CEND1: variants seen among roughly 807,000 people sequenced by gnomAD.
The protein encoded by CEND1 is cell cycle exit and neuronal differentiation 1.
A neutral mutation model predicts 4.4 loss-of-function variants in CEND1; 1 was observed. The ratio of observed to expected loss-of-function variants is 0.23; its 90% confidence interval spans 0.08 to 1.09. The LOEUF (loss-of-function observed/expected upper bound fraction) is 1.09, where lower values mean the gene tolerates loss of function less well. CEND1 is among the 50% of genes least tolerant of loss of function. The pLI, the probability that CEND1 is intolerant of heterozygous loss-of-function variation, is 0.55. For synonymous variants in CEND1, 109 were observed against 93.0 expected (o/e 1.17, Z -0.99); for missense variants, 213 against 201.2 (o/e 1.06, Z -0.35).
intron 1 of CEND1, among the ~76,000 whole-genome samples, chr11:789,628 C>A (rs1316840986): frequency 6.6e-6 from 1 of 152,152 alleles, no homozygotes; most frequent in Non-Finnish European, 1.5e-5. Flanking sequence ...GCCCTCCAGA[C>A]CTGCAGAGAA....
intron 1 of CEND1, 135 bp from the exon 2 acceptor site, chr11:788,793 T>C: frequency 2.4e-6 from 1 of 420,490 alleles, no homozygotes; most frequent in East Asian, 3.4e-5. Flanking sequence ...CCCGTGGGCC[T>C]CTGACACTTC....
chr11:788,386 G>A lies in CEND1; in HGVS notation c.191C>T (p.Ser64Leu), dbSNP rs142060805. The A allele has an allele frequency of 1.3e-5, 21 of 1,595,772 alleles. No individual in the cohort carries two copies. Among genetic ancestry groups the A allele is most frequent in the African/African-American group, 2.7e-5 (2 of 74,262 alleles). ...APTTAPAKKT[S>L]AKADPALLNN... ...GAGAAGGGCAGGGTCGGCCTTGGCC[G>A]AGGTCTTCTTGGCAGGTGCCGTGGT... Residue 64 changes from serine (S) to leucine (L), a missense_variant, in exon 2 of 2, where the codon TCG becomes TTG. Physicochemically the swap from Ser to Leu is moderately radical, Grantham distance 145. Coordinates refer to ENST00000330106, the MANE Select transcript of CEND1 (RefSeq NM_016564.4).
chr11:788,343 C>T lies in CEND1; in HGVS notation c.234G>A (p.Leu78=). 2 of 1,603,978 alleles carry T rather than the reference C, an allele frequency of 1.2e-6. No individual in the cohort carries two copies. The highest frequency in any genetic ancestry group is 1.7e-6 in the Non-Finnish European group (2 of 1,172,672). ...DPALLNNHSN[L]KPAPTVPSSP... ...TGCTGGGGACCGTGGGGGCTGGCTTCAGGTTGCTGTGGTTGTTGAGAAGGG... is the reference window on the plus strand; with the variant it reads ...TGCTGGGGACCGTGGGGGCTGGCTTTAGGTTGCTGTGGTTGTTGAGAAGGG... Residue 78 remains leucine (L), a synonymous_variant, in exon 2 of 2, where the codon CTG becomes CTA. Transcript: ENST00000330106.
rs1864378082 is a variant in CEND1 at position 787,852 on chromosome 11, A to C, written c.*275T>G. 7.2e-6 allele frequency: 2 copies of C among 276,732 alleles called. No homozygotes were observed. The highest frequency in any genetic ancestry group is 2.2e-5 in the African/African-American group (1 of 45,398). The allele number at this position is 276,732 out of a possible 1,614,324, so 17.1% of individuals were successfully genotyped here. A position where few individuals can be genotyped will look rare whatever the true frequency, so the allele number is the denominator to read the frequency against. On this transcript the variant is annotated 3_prime_UTR_variant, in exon 2 of 2. Coordinates refer to ENST00000330106, the MANE Select transcript of CEND1 (RefSeq NM_016564.4). ...GTGGGGGGGGCCACACACAGGGTCCATTCCTTTCTTGCCGTTCCCCAGCTG... is the reference window on the plus strand; with the variant it reads ...GTGGGGGGGGCCACACACAGGGTCCCTTCCTTTCTTGCCGTTCCCCAGCTG...
At chr11:788,943 T>A (rs1483382188) in intron 1 of CEND1, among the ~76,000 whole-genome samples, 1 of 151,484 alleles carries the variant, frequency 6.6e-6, no homozygotes, top group Admixed American at 6.6e-5. Flanking sequence ...AAATGCCACA[T>A]CCTCCCACCA....
rs745387263 is a variant in CEND1, at chr11:787,746, G to A, written c.*381C>T. 4.7e-5 allele frequency: 8 copies of A among 170,666 alleles called. No homozygotes were observed. The highest frequency in any genetic ancestry group is 2.0e-4 in the South Asian group (1 of 4,994). The allele number at this position is 170,666 out of a possible 1,614,324, so 10.6% of individuals were successfully genotyped here. On this transcript the variant is annotated 3_prime_UTR_variant, in exon 2 of 2. Coordinates refer to ENST00000330106, the MANE Select transcript of CEND1 (RefSeq NM_016564.4). ...GCCCTTTAATGTCCCCACGAGGGCC[G>A]GGCCCAGGCCCAACCCATCCCGGCA...
intron 1 of CEND1, among the ~76,000 whole-genome samples, chr11:788,909 T>G (rs1864398962): frequency 6.6e-6 from 1 of 152,086 alleles, no homozygotes; most frequent in African/African-American, 2.4e-5. Flanking sequence ...GGGACCCCAC[T>G]GTGCTCCATA....
chr11:788,065 GCA>G lies in CEND1; in HGVS notation c.*60_*61del, dbSNP rs1361131664. The G allele has an allele frequency of 7.8e-7, 1 of 1,288,640 alleles. No homozygotes were observed. 79.8% of individuals were successfully genotyped at this position (1,288,640 alleles called of 1,614,324 possible). A position where few individuals can be genotyped will look rare whatever the true frequency, so the allele number is the denominator to read the frequency against. On this transcript the variant is annotated 3_prime_UTR_variant, in exon 2 of 2. Transcript: ENST00000330106. ...GAATAGGTAAGGGTGAACTCTGCAT[GCA>G]CTGGCTTCCTCGGGTCTGTACAGGA...
At chr11:788,919 A>C (rs1341311873) in intron 1 of CEND1, among the ~76,000 whole-genome samples, 1 of 152,102 alleles carries the variant, frequency 6.6e-6, no homozygotes, top group Admixed American at 6.5e-5. Flanking sequence ...TGTGCTCCAT[A>C]AAATGGCCCA....
rs1864366383 is a variant in CEND1 at position 787,387 on chromosome 11, T to G, written c.*740A>C. Reference sequence around the variant, plus strand: ...TACCTGTTATTGCATTATACGCTGGTTAGACTCAGGTGGTGCTGGGTGCAA... The same window carrying G: ...TACCTGTTATTGCATTATACGCTGGGTAGACTCAGGTGGTGCTGGGTGCAA... On this transcript the variant is annotated 3_prime_UTR_variant, in exon 2 of 2. Transcript: ENST00000330106. The G allele has an allele frequency of 6.5e-6, 1 of 152,766 alleles. No individual in the cohort carries two copies. Among genetic ancestry groups the G allele is most frequent in the Non-Finnish European group, 1.5e-5 (1 of 68,140 alleles). The allele number at this position is 152,766 out of a possible 1,614,324, so 9.5% of individuals were successfully genotyped here. A position where few individuals can be genotyped will look rare whatever the true frequency, so the allele number is the denominator to read the frequency against.
intron 1 of CEND1, 107 bp from the exon 2 acceptor site, chr11:788,765 G>C (rs1486618903): frequency 2.2e-6 from 1 of 455,674 alleles, no homozygotes; most frequent in Non-Finnish European, 3.7e-6. Flanking sequence ...ACTCTCTGGA[G>C]CCCCAGCTCA....
Position 788,440 on chromosome 11 carries a change from G to C in CEND1, c.137C>G (p.Ala46Gly), listed in dbSNP as rs1049787055. Residue 46 changes from alanine to glycine, a missense_variant, in exon 2 of 2, where the codon GCC (alanine) becomes GGC (glycine). Physicochemically the swap from Ala to Gly is moderately conservative, Grantham distance 60. Coordinates refer to ENST00000330106, the MANE Select transcript of CEND1 (RefSeq NM_016564.4). ...LTKPSKKEAP[A>G]EKQQPPAAPT... Reference sequence around the variant, plus strand: ...GGCTGCTGGCGGCTGCTGCTTCTCGGCCGGGGCCTCCTTCTTCGAGGGCTT... The same window carrying C: ...GGCTGCTGGCGGCTGCTGCTTCTCGCCCGGGGCCTCCTTCTTCGAGGGCTT... 1 of 1,579,094 alleles carries C rather than the reference G, an allele frequency of 6.3e-7. No individual in the cohort carries two copies. The highest frequency in any genetic ancestry group is 8.6e-7 in the Non-Finnish European group (1 of 1,160,064).
At position 788,417 on chromosome 11, in the gene CEND1, C is replaced by A. The variant is rs1366459559; in HGVS notation, c.160G>T (p.Ala54Ser). 3.8e-6 allele frequency: 6 copies of A among 1,583,906 alleles called. No individual in the cohort carries two copies. The highest frequency in any genetic ancestry group is 5.2e-6 in the Non-Finnish European group (6 of 1,162,132). ...APAEKQQPPA[A>S]PTTAPAKKTS... ...TTCTTGGCAGGTGCCGTGGTGGGGG[C>A]TGCTGGCGGCTGCTGCTTCTCGGCC... The change falls in exon 2 of 2, where the codon GCC (alanine) becomes TCC (serine). Residue 54 changes from alanine (A) to serine (S), a missense_variant. Ala to Ser is a moderately conservative substitution (Grantham distance 99, BLOSUM62 1). Coordinates refer to ENST00000330106, the MANE Select transcript of CEND1 (RefSeq NM_016564.4).
chr11:789,320 C>T (rs1864408226), intron 1 of CEND1, among the ~76,000 whole-genome samples: 2 of 152,176 alleles, frequency 1.3e-5, no homozygotes. Context: ...CCCTCCTCAG[C>T]ATGGGCCGTG....
In CEND1 at chr11:788,643, T is replaced by A; in HGVS notation, c.-67A>T. 5.6e-6 allele frequency: 8 copies of A among 1,425,200 alleles called. No homozygotes were observed. The highest frequency in any genetic ancestry group is 7.4e-6 in the Non-Finnish European group (8 of 1,077,968). 88.3% of individuals were successfully genotyped at this position (1,425,200 alleles called of 1,614,324 possible). On this transcript the variant is annotated 5_prime_UTR_variant, in exon 2 of 2. Coordinates refer to ENST00000330106, the MANE Select transcript of CEND1 (RefSeq NM_016564.4). Reference sequence around the variant, plus strand: ...GGGGCTCAGGACAGTTTGTCGCCCCTGGGCATTCTATGGGCCTGGAGGGAG... The same window carrying A: ...GGGGCTCAGGACAGTTTGTCGCCCCAGGGCATTCTATGGGCCTGGAGGGAG...
Position 788,340 on chromosome 11 carries a change from C to A in CEND1, c.237G>T (p.Lys79Asn). 6.2e-7 allele frequency: 1 copy of A among 1,604,240 alleles called. No individual in the cohort carries two copies. Among genetic ancestry groups the A allele is most frequent in the East Asian group, 2.2e-5 (1 of 44,586 alleles). ...GACTGCTGGGGACCGTGGGGGCTGG[C>A]TTCAGGTTGCTGTGGTTGTTGAGAA... ...PALLNNHSNL[K>N]PAPTVPSSPD... is the part of the protein sequence containing the mutation. Residue 79 changes from lysine (K) to asparagine (N), a missense_variant, in exon 2 of 2, where the codon AAG (lysine) becomes AAT (asparagine). Lys to Asn is a moderately conservative substitution (Grantham distance 94, BLOSUM62 0). Transcript: ENST00000330106.
chr11:788,651 C>T lies in CEND1; in HGVS notation c.-75G>A, dbSNP rs985848046. 5.8e-6 allele frequency: 8 copies of T among 1,390,760 alleles called. No homozygotes were observed. The highest frequency in any genetic ancestry group is 7.6e-6 in the Non-Finnish European group (8 of 1,048,848). The allele number at this position is 1,390,760 out of a possible 1,614,324, so 86.2% of individuals were successfully genotyped here. ...GGACAGTTTGTCGCCCCTGGGCATT[C>T]TATGGGCCTGGAGGGAGACACAAGG... On this transcript the variant is annotated 5_prime_UTR_variant, in exon 2 of 2. Coordinates refer to ENST00000330106, the MANE Select transcript of CEND1 (RefSeq NM_016564.4).
intron 1 of CEND1, among the ~76,000 whole-genome samples, chr11:789,337 T>C (rs1025577329): frequency 6.6e-6 from 1 of 152,058 alleles, no homozygotes; most frequent in African/African-American, 2.4e-5. Flanking sequence ...CGTGCCTGCC[T>C]CCAGCCCTGG....
At chr11:789,786 C>T (rs1040103615) in intron 1 of CEND1, among the ~76,000 whole-genome samples, 1 of 152,208 alleles carries the variant, frequency 6.6e-6, no homozygotes, top group African/African-American at 2.4e-5. Context: ...CCCTGCAGTT[C>T]TCGGGGGGCT....
Sources: allele counts gnomAD v4.1 joint callset (sites outside exome capture counted in the v4.1 genomes callset), GRCh38; gene constraint gnomAD v4.1.1; transcripts MANE v1.5; gene names NCBI Gene and HGNC (gene_info 2026-07-23, HGNC 2026-07-21).